The following ZNF597 variants were observed in gnomAD, a reference collection of about 807,000 sequenced individuals.
ZNF597 encodes the protein zinc finger protein 597.
Under a neutral mutation model 7.3 loss-of-function variants are expected in ZNF597, and 5 were observed. That is an observed-to-expected ratio of 0.68 (90% CI 0.36 to 1.44). The LOEUF is 1.44. Among genes scored for constraint, ZNF597 ranks in the 40% most tolerant of loss-of-function variants. The pLI is 0.04. For synonymous variants in ZNF597, 209 were observed against 185.4 expected, an observed-to-expected ratio of 1.13 and a Z score of -1.04; for missense variants, 585 against 517.9, an observed-to-expected ratio of 1.13 and a Z score of -1.26.
chr16:3,437,312 T>G lies in ZNF597; in HGVS notation c.387A>C (p.Leu129Phe). Residue 129 changes from leucine to phenylalanine, a missense_variant, in exon 4 of 4, where the codon TTA becomes TTC. Physicochemically the swap from Leu to Phe is conservative, Grantham distance 22. Coordinates refer to ENST00000301744, the MANE Select transcript of ZNF597 (RefSeq NM_152457.3). ...TTCCTAAATATTCAGAGAGTTCTAC[T>G]AATGGGGTGTGGTTTTCAATGGTAA... ...LLVTIENHTP[L>F]VELSEYLGTN... 6.2e-7 allele frequency: 1 copy of G among 1,614,176 alleles called. No individual in the cohort carries two copies. The highest frequency in any genetic ancestry group is 2.2e-5 in the East Asian group (1 of 44,884).
rs758255934 is a variant in ZNF597, at chr16:3,436,569, C to T, written c.1130G>A (p.Ser377Asn). 1 of 1,612,726 alleles carries T rather than the reference C, an allele frequency of 6.2e-7. No homozygotes were observed. The highest frequency in any genetic ancestry group is 1.3e-5 in the African/African-American group (1 of 75,026). ...TGCAAGTTCTGAGTCCAAAGCAAAA[C>T]TTTCCTCGCATGTTTTGCACTTATG... ...RPHKCKTCEE[S>N]FALDSELACH... Residue 377 changes from serine (S) to asparagine (N), a missense_variant, in exon 4 of 4, where the codon AGT (serine) becomes AAT (asparagine). Physicochemically the swap from Ser to Asn is conservative, Grantham distance 46 (BLOSUM62 1). Transcript: ENST00000301744.
chr16:3,438,875 A>G (rs909628795), intron 3 of ZNF597, among the ~76,000 whole-genome samples: 2 of 152,222 alleles, frequency 1.3e-5, no homozygotes, highest in African/African-American at 4.8e-5. Context: ...CTTTCCAGAG[A>G]AACAAAGTTC....
Position 3,436,911 on chromosome 16 carries a change from C to A in ZNF597, c.788G>T (p.Ser263Ile). ...AGTAGATTCGTAGGTGTTTTCAGCACTGTGGCTTTTCTGATGCTGTGCCAA... is the reference window on the plus strand; with the variant it reads ...AGTAGATTCGTAGGTGTTTTCAGCAATGTGGCTTTTCTGATGCTGTGCCAA... ...PGLAQHQKSH[S>I]AENTYESTNC... Residue 263 changes from serine to isoleucine, a missense_variant, in exon 4 of 4, where the codon AGT becomes ATT. Transcript: ENST00000301744. 1 of 1,614,204 alleles carries A rather than the reference C, an allele frequency of 6.2e-7. No individual in the cohort carries two copies. The highest frequency in any genetic ancestry group is 1.1e-5 in the South Asian group (1 of 91,080).
rs544011289 is a variant in ZNF597 at position 3,440,565 on chromosome 16, C to T, written c.160+242G>A. 5.3e-5 allele frequency among the ~76,000 whole-genome samples: 8 copies of T among 152,050 alleles called. No homozygotes were observed. In the South Asian group the frequency reaches 1.0e-3, roughly 20 times the overall value. Reference sequence around the variant, plus strand: ...AGGAGAATGGCGTGAACCTGGGAGGCGCGGTTTGCAGTGAGCAGAGATCGT... The same window carrying T: ...AGGAGAATGGCGTGAACCTGGGAGGTGCGGTTTGCAGTGAGCAGAGATCGT... On this transcript the variant is annotated intron_variant, in intron 3 of 3. Transcript: ENST00000301744.
At position 3,436,023 on chromosome 16, in the gene ZNF597, C is replaced by T. The variant is rs185242135; in HGVS notation, c.*401G>A. 129 of 169,548 alleles carry T rather than the reference C, an allele frequency of 7.6e-4. No homozygotes were observed. The highest frequency in any genetic ancestry group is 1.2e-3 in the Non-Finnish European group (96 of 79,534). The allele number at this position is 169,548 out of a possible 1,614,324, so 10.5% of individuals were successfully genotyped here. Reference sequence around the variant, plus strand: ...AGTATAAAACATATAAAAGCATTTACTTTCCTAGATATGTCTGCAGAACTG... The same window carrying T: ...AGTATAAAACATATAAAAGCATTTATTTTCCTAGATATGTCTGCAGAACTG... On this transcript the variant is annotated 3_prime_UTR_variant, in exon 4 of 4. Coordinates refer to ENST00000301744, the MANE Select transcript of ZNF597 (RefSeq NM_152457.3).
At chr16:3,442,424 C>T (rs556494533) in intron 2 of ZNF597, among the ~76,000 whole-genome samples, 2 of 152,268 alleles carry the variant, frequency 1.3e-5, no homozygotes, top group South Asian at 2.1e-4. Context: ...ACCTGTAATT[C>T]CAGCACTTTG....
Position 3,432,652 on chromosome 16 carries a change from C to T in ZNF597, c.*3772G>A, listed in dbSNP as rs768377931. The T allele has an allele frequency of 2.0e-5, 3 of 151,868 alleles. No individual in the cohort carries two copies. The highest frequency in any genetic ancestry group is 4.8e-5 in the African/African-American group (2 of 41,378). The allele number at this position is 151,868 out of a possible 1,614,324, so 9.4% of individuals were successfully genotyped here. A position where few individuals can be genotyped will look rare whatever the true frequency, so the allele number is the denominator to read the frequency against. ...CACAGAAGAATATTTATATTGTATTCCCCCCCTACAGACTTAATGCAAAGA... is the reference window on the plus strand; with the variant it reads ...CACAGAAGAATATTTATATTGTATTTCCCCCCTACAGACTTAATGCAAAGA... On this transcript the variant is annotated 3_prime_UTR_variant, in exon 4 of 4. Transcript: ENST00000301744.
Position 3,436,818 on chromosome 16 carries a change from G to A in ZNF597, c.881C>T (p.Pro294Leu). ...ALPEETFVSG[P>L]QYQHTKCMKS... is the part of the protein sequence containing the mutation. Reference sequence around the variant, plus strand: ...CATGCACTTAGTGTGCTGGTACTGGGGGCCTGATACGAATGTTTCCTCAGG... The same window carrying A: ...CATGCACTTAGTGTGCTGGTACTGGAGGCCTGATACGAATGTTTCCTCAGG... Residue 294 changes from proline (P) to leucine (L), a missense_variant, in exon 4 of 4, where the codon CCC becomes CTC. Pro to Leu is a moderately conservative substitution (Grantham distance 98). Coordinates refer to ENST00000301744, the MANE Select transcript of ZNF597 (RefSeq NM_152457.3). The A allele has an allele frequency of 1.9e-6, 3 of 1,613,704 alleles. No individual in the cohort carries two copies. Among genetic ancestry groups the A allele is most frequent in the Non-Finnish European group, 2.5e-6 (3 of 1,180,020 alleles).
Position 3,437,126 on chromosome 16 carries a change from C to A in ZNF597, c.573G>T (p.Lys191Asn). 1 of 1,614,158 alleles carries A rather than the reference C, an allele frequency of 6.2e-7. No individual in the cohort carries two copies. Among genetic ancestry groups the A allele is most frequent in the Non-Finnish European group, 8.5e-7 (1 of 1,180,024 alleles). Residue 191 changes from lysine (K) to asparagine (N), a missense_variant, in exon 4 of 4, where the codon AAG (lysine) becomes AAT (asparagine). Transcript: ENST00000301744. ...EKKHKCGDCG[K>N]IFNHRANLRT... ...TCAGGTTGGCTCTATGATTGAAGAT[C>A]TTTCCACAGTCACCACATTTATGTT...
chr16:3,437,964 C>T (rs1432322742), intron 3 of ZNF597, among the ~76,000 whole-genome samples: 1 of 152,172 alleles, frequency 6.6e-6, no homozygotes, highest in Non-Finnish European at 1.5e-5. Context: ...CAGTGTCTCA[C>T]GTCTGTAATC....
chr16:3,436,757 G>A lies in ZNF597; in HGVS notation c.942C>T (p.Ser314=), dbSNP rs749690786. 1.7e-5 allele frequency: 27 copies of A among 1,613,648 alleles called. No individual in the cohort carries two copies. Among genetic ancestry groups the A allele is most frequent in the Admixed American group, 5.0e-5 (3 of 60,010 alleles). The part of the protein sequence containing the change: ...SFRQSLYPAL[S]EKSHDEDSER... ...CAGAGTCCTCGTCGTGGCTCTTCTC[G>A]GAAAGGGCAGGATATAAGGACTGCC... The change falls in exon 4 of 4, where the codon TCC becomes TCT. Residue 314 remains serine (S), a synonymous_variant. Transcript: ENST00000301744.
chr16:3,443,130 G>A lies in ZNF597; in HGVS notation c.24C>T (p.Pro8=), dbSNP rs766660838. 5.0e-6 allele frequency: 8 copies of A among 1,613,788 alleles called. No individual in the cohort carries two copies. Among genetic ancestry groups the A allele is most frequent in the Non-Finnish European group, 5.9e-6 (7 of 1,179,922 alleles). Residue 8 remains proline (P), a synonymous_variant, in exon 2 of 4, where the codon CCC becomes CCT. Coordinates refer to ENST00000301744, the MANE Select transcript of ZNF597 (RefSeq NM_152457.3). ...AGGTACCTCGACTCACCTGGGCCTC[G>A]GGCGTCGGGGGCATGGACGCCATTT... MASMPPT[P]EAQGPILFED...
Position 3,437,380 on chromosome 16 carries a change from T to C in ZNF597, c.319A>G (p.Ser107Gly). 1 of 1,614,164 alleles carries C rather than the reference T, an allele frequency of 6.2e-7. No homozygotes were observed. The highest frequency in any genetic ancestry group is 8.5e-7 in the Non-Finnish European group (1 of 1,180,044). The change falls in exon 4 of 4, where the codon AGT becomes GGT. Residue 107 changes from serine (S) to glycine (G), a missense_variant. By Grantham distance (56) the Ser-to-Gly change is moderately conservative. Coordinates refer to ENST00000301744, the MANE Select transcript of ZNF597 (RefSeq NM_152457.3). Reference protein sequence around the residue: ...GVGNPEAKILSGTPTYKRRVI... With the variant: ...GVGNPEAKILGGTPTYKRRVI... The stretch of plus-strand genomic sequence containing the variant: ...CTTCTCTTGTAAGTGGGAGTTCCAC[T>C]TAATATTTTCGCTTCAGGGTTTCCA...
At position 3,433,792 on chromosome 16, in the gene ZNF597, T is replaced by C. The variant is rs2034275034; in HGVS notation, c.*2632A>G. ...TGCACAATAAGCACAACTGAAAATA[T>C]GCCTCTTTCACAGTAACTGACACTT... On this transcript the variant is annotated 3_prime_UTR_variant, in exon 4 of 4. Transcript: ENST00000301744. The C allele has an allele frequency of 1.3e-5, 2 of 152,226 alleles. No homozygotes were observed. The highest frequency in any genetic ancestry group is 2.9e-5 in the Non-Finnish European group (2 of 68,042). The allele number at this position is 152,226 out of a possible 1,614,324, so 9.4% of individuals were successfully genotyped here.
intron 3 of ZNF597, among the ~76,000 whole-genome samples, chr16:3,437,837 A>G (rs764824749): frequency 1.3e-5 from 2 of 152,226 alleles, no homozygotes; most frequent in African/African-American, 4.8e-5. Flanking sequence ...TTTTCCATCT[A>G]ATCTATTTAG....
chr16:3,436,770 T>C lies in ZNF597; in HGVS notation c.929A>G (p.Tyr310Cys), dbSNP rs576148154. The change falls in exon 4 of 4, where the codon TAT becomes TGT. Residue 310 changes from tyrosine to cysteine, a missense_variant. Physicochemically the swap from Tyr to Cys is radical, Grantham distance 194. Transcript: ENST00000301744. Reference sequence around the variant, plus strand: ...GTGGCTCTTCTCGGAAAGGGCAGGATATAAGGACTGCCTGAAGCTCTTCAT... The same window carrying C: ...GTGGCTCTTCTCGGAAAGGGCAGGACATAAGGACTGCCTGAAGCTCTTCAT... ...KCMKSFRQSL[Y>C]PALSEKSHDE... The C allele has an allele frequency of 1.5e-5, 25 of 1,613,692 alleles. 1 individual carries two copies. In the South Asian group the frequency reaches 2.6e-4, roughly 17 times the overall value.
At chr16:3,443,092 A>G (rs981590581) in intron 2 of ZNF597, 29 bp downstream of exon 2, 2 of 1,614,114 alleles carry the variant, frequency 1.2e-6, no homozygotes, top group Admixed American at 1.7e-5. Flanking sequence ...GCAGCAATAA[A>G]CTTGGACGAA....
At chr16:3,439,127 C>T (rs1223838003) in intron 3 of ZNF597, among the ~76,000 whole-genome samples, 1 of 152,116 alleles carries the variant, frequency 6.6e-6, no homozygotes, top group East Asian at 1.9e-4. Context: ...ACCTGTAATC[C>T]CAGCACATTG....
chr16:3,442,281 T>A (rs2150935081), intron 2 of ZNF597, among the ~76,000 whole-genome samples: 1 of 152,128 alleles, frequency 6.6e-6, no homozygotes, highest in East Asian at 1.9e-4. Flanking sequence ...TGGGAACCAT[T>A]CCAGAAAGTC....
Sources: gnomAD v4.1 joint callset for allele counts (sites outside exome capture counted in the v4.1 genomes callset) on GRCh38, gnomAD v4.1.1 for gene constraint, MANE v1.5 for transcripts, NCBI Gene and HGNC (gene_info 2026-07-23, HGNC 2026-07-21) for gene names.